The following KCNMB2 variants were observed in gnomAD, a reference collection of about 807,000 sequenced individuals.
The protein encoded by KCNMB2 is potassium calcium-activated channel subfamily M regulatory beta subunit 2.
In KCNMB2, 9 loss-of-function variants were observed where a neutral mutation model predicts 24.5. The ratio of observed to expected loss-of-function variants is 0.37; its 90% CI spans 0.22 to 0.64. The LOEUF (loss-of-function observed/expected upper bound fraction) is 0.64. KCNMB2 is among the 30% of genes least tolerant of loss of function. KCNMB2 has a pLI of 0.63. For synonymous variants in KCNMB2, 109 were observed against 104.4 expected, an observed-to-expected ratio of 1.04 and a Z score of -0.27; for missense variants, 226 against 284.3, an observed-to-expected ratio of 0.79 and a Z score of 1.47.
At chr3:178,545,243 T>C (rs1394764112) in intron 1 of KCNMB2, among the ~76,000 whole-genome samples, 1 of 152,224 alleles carries the variant, frequency 6.6e-6, no homozygotes, top group Non-Finnish European at 1.5e-5. Context: ...GGATTCTTAC[T>C]AAAGAGGATT....
At chr3:178,682,024 CAAAG>C (rs1204892116) in intron 1 of KCNMB2, among the ~76,000 whole-genome samples, 7 of 152,082 alleles carry the variant, frequency 4.6e-5, no homozygotes, top group Non-Finnish European at 8.8e-5. Context: ...CATTTTTTCT[CAAAG>C]CCTGCTAATT....
chr3:178,604,314 CA>C (rs1718199393), intron 1 of KCNMB2, among the ~76,000 whole-genome samples: 1 of 151,468 alleles, frequency 6.6e-6, no homozygotes, highest in African/African-American at 2.4e-5. Flanking sequence ...AAATTAATTC[CA>C]AAATATGGAA....
intron 1 of KCNMB2, among the ~76,000 whole-genome samples, chr3:178,712,121 C>T (rs1419838165): frequency 6.6e-6 from 1 of 152,134 alleles, no homozygotes; most frequent in Non-Finnish European, 1.5e-5. Flanking sequence ...AGGTCTCTAC[C>T]TTAGCATGCC....
At chr3:178,585,155 A>G (rs1717381202) in intron 1 of KCNMB2, among the ~76,000 whole-genome samples, 1 of 152,170 alleles carries the variant, frequency 6.6e-6, no homozygotes, top group African/African-American at 2.4e-5. Context: ...CAGAAAGCAG[A>G]TTATTCTCCT....
intron 4 of KCNMB2, among the ~76,000 whole-genome samples, chr3:178,830,500 T>C (rs993111630): frequency 1.3e-5 from 2 of 152,102 alleles, no homozygotes; most frequent in African/African-American, 4.8e-5. Context: ...AATCATAGAG[T>C]ATCCATATCT....
intron 1 of KCNMB2, among the ~76,000 whole-genome samples, chr3:178,695,484 C>T (rs562126127): frequency 5.4e-4 from 82 of 152,292 alleles, no homozygotes; most frequent in African/African-American, 1.9e-3. Flanking sequence ...ATTTTCCAAA[C>T]TTTTATGCTC....
Position 178,801,452 on chromosome 3 carries a change from G to T in KCNMB2, c.-67-5891G>T, listed in dbSNP as rs1026310089. On this transcript the variant is annotated intron_variant, in intron 1 of 4. Coordinates refer to ENST00000452583, the MANE Select transcript of KCNMB2 (RefSeq NM_181361.3). ...CACTCTTCTTTTCCTCTACAACTGG[G>T]CAGTAAGCAGGGCTATTCATTCAAT... 3.9e-5 allele frequency among the ~76,000 whole-genome samples: 6 copies of T among 152,238 alleles called. No individual in the cohort carries two copies. The East Asian group carries it at 1.2e-3, about 29-fold the overall frequency.
intron 1 of KCNMB2, among the ~76,000 whole-genome samples, chr3:178,575,080 CAAAT>C (rs1274574123): frequency 6.6e-6 from 1 of 152,032 alleles, no homozygotes; most frequent in African/African-American, 2.4e-5. Context: ...AATAAATAAA[CAAAT>C]AAAATCTGTA....
intron 1 of KCNMB2, among the ~76,000 whole-genome samples, chr3:178,593,608 T>G (rs1373886037): frequency 6.6e-6 from 1 of 151,964 alleles, no homozygotes; most frequent in East Asian, 1.9e-4. Context: ...CCGATGCTTA[T>G]TTTGTTGACC....
At chr3:178,556,444 GA>G (rs1281506009) in intron 1 of KCNMB2, among the ~76,000 whole-genome samples, 2 of 152,130 alleles carry the variant, frequency 1.3e-5, no homozygotes, top group Non-Finnish European at 2.9e-5. Context: ...TGCTCTTATT[GA>G]CCAGGCTAGA....
At chr3:178,783,477 G>A (rs1239519108) in intron 1 of KCNMB2, among the ~76,000 whole-genome samples, 1 of 150,940 alleles carries the variant, frequency 6.6e-6, no homozygotes, top group Non-Finnish European at 1.5e-5. Context: ...TTGAGCAGTG[G>A]TTTGTAGTTC....
chr3:178,678,308 C>G (rs1721141970), intron 1 of KCNMB2, among the ~76,000 whole-genome samples: 1 of 152,106 alleles, frequency 6.6e-6, no homozygotes, highest in Non-Finnish European at 1.5e-5. Context: ...ATGAATTAAC[C>G]CTTGCCTGAC....
chr3:178,663,915 A>G (rs1410329353), intron 1 of KCNMB2, among the ~76,000 whole-genome samples: 1 of 152,144 alleles, frequency 6.6e-6, no homozygotes, highest in Non-Finnish European at 1.5e-5. Context: ...AGACTAATCT[A>G]GAGACTGTGG....
chr3:178,589,695 G>T (rs1240510713), intron 1 of KCNMB2, among the ~76,000 whole-genome samples: 1 of 152,104 alleles, frequency 6.6e-6, no homozygotes, highest in African/African-American at 2.4e-5. Context: ...TGCCTACGCT[G>T]GTCTCAAACT....
At chr3:178,711,289 A>C (rs1722444968) in intron 1 of KCNMB2, among the ~76,000 whole-genome samples, 3 of 152,302 alleles carry the variant, frequency 2.0e-5, no homozygotes, top group Non-Finnish European at 4.4e-5. Flanking sequence ...ATAAAGATTA[A>C]ATATCACAGT....
chr3:178,691,003 T>A (rs1038248243), intron 1 of KCNMB2, among the ~76,000 whole-genome samples: 5 of 151,586 alleles, frequency 3.3e-5, no homozygotes, highest in Non-Finnish European at 2.9e-5. Flanking sequence ...AGTGGTGTAA[T>A]CTCAACTCAC....
chr3:178,798,225 G>A lies in KCNMB2; in HGVS notation c.-67-9118G>A, dbSNP rs562565682. ...CTTGTCTTGTGCTGGTTTTCAAGGGGAAGGCTTCCAGCTTTTGCCCATTTA... is the reference window on the plus strand; with the variant it reads ...CTTGTCTTGTGCTGGTTTTCAAGGGAAAGGCTTCCAGCTTTTGCCCATTTA... On this transcript the variant is annotated intron_variant, in intron 1 of 4. Transcript: ENST00000452583. 2.0e-5 allele frequency among the ~76,000 whole-genome samples: 3 copies of A among 152,240 alleles called. No individual in the cohort carries two copies. In the East Asian group the frequency reaches 5.8e-4, roughly 29 times the overall value.
chr3:178,746,190 A>C (rs1448230973), intron 1 of KCNMB2, among the ~76,000 whole-genome samples: 2 of 152,168 alleles, frequency 1.3e-5, no homozygotes, highest in Non-Finnish European at 2.9e-5. Flanking sequence ...GTTTCCATAC[A>C]TCTTCTGAAA....
At chr3:178,690,139 G>A (rs909139068) in intron 1 of KCNMB2, among the ~76,000 whole-genome samples, 4 of 152,098 alleles carry the variant, frequency 2.6e-5, no homozygotes, top group Non-Finnish European at 5.9e-5. Flanking sequence ...TCACCAAATG[G>A]CAAAATAACT....
Sources: gnomAD v4.1 joint callset for allele counts (sites outside exome capture counted in the v4.1 genomes callset) on GRCh38, gnomAD v4.1.1 for gene constraint, MANE v1.5 for transcripts, NCBI Gene and HGNC (gene_info 2026-07-23, HGNC 2026-07-21) for gene names.